BTBD7: variants seen among roughly 807,000 people sequenced by gnomAD.
BTBD7 encodes the protein BTB/POZ domain-containing protein 7.
Under a neutral mutation model 99.9 loss-of-function variants are expected in BTBD7, and 38 were observed. That is an observed-to-expected ratio of 0.38 (90% CI 0.29 to 0.50). The LOEUF is 0.50. Among genes scored for constraint, BTBD7 ranks in the 20% least tolerant of loss-of-function variants. BTBD7 has a pLI of 0.93. For synonymous variants in BTBD7, 520 were observed against 511.4 expected (o/e 1.02, Z -0.23); for missense variants, 1,170 against 1,394.6 (o/e 0.84, Z 2.57).
chr14:93,296,081 C>T lies in BTBD7; in HGVS notation c.-30G>A, dbSNP rs1227559204. 24 of 1,609,900 alleles carry T rather than the reference C, an allele frequency of 1.5e-5. No individual in the cohort carries two copies. The highest frequency in any genetic ancestry group is 1.1e-4 in the East Asian group (5 of 44,762). ...TTCAGTCACTCAGGCATTCCGTCTG[C>T]GGGTTCTTCAGAGTATAATCCCAGA... is the stretch of plus-strand genomic sequence containing the variant. On this transcript the variant is annotated 5_prime_UTR_variant, in exon 2 of 11. Coordinates refer to ENST00000334746, the MANE Select transcript of BTBD7 (RefSeq NM_001002860.4).
intron 1 of BTBD7, among the ~76,000 whole-genome samples, chr14:93,308,251 C>T (rs907060391): frequency 6.8e-6 from 1 of 146,316 alleles, no homozygotes; most frequent in East Asian, 2.0e-4. Flanking sequence ...CGCACCACTG[C>T]ACTCCAGCCT....
chr14:93,326,426 C>G (rs1320951060), intron 1 of BTBD7, among the ~76,000 whole-genome samples: 2 of 152,174 alleles, frequency 1.3e-5, no homozygotes, highest in Non-Finnish European at 2.9e-5. Flanking sequence ...GTGATTGCAC[C>G]ACTGCAGCTT....
chr14:93,243,568 C>T (rs2052265098), intron 10 of BTBD7, among the ~76,000 whole-genome samples: 2 of 152,144 alleles, frequency 1.3e-5, no homozygotes, highest in Admixed American at 1.3e-4. Context: ...ACAGAGATAC[C>T]ACTGTTAGCA....
chr14:93,257,987 G>A (rs2139696844), intron 5 of BTBD7, among the ~76,000 whole-genome samples: 1 of 152,122 alleles, frequency 6.6e-6, no homozygotes, highest in East Asian at 1.9e-4. Context: ...TTCTTCATTG[G>A]GCATTAGTGA....
At chr14:93,312,656 G>C (rs1283176495) in intron 1 of BTBD7, among the ~76,000 whole-genome samples, 1 of 152,144 alleles carries the variant, frequency 6.6e-6, no homozygotes, top group East Asian at 1.9e-4. Context: ...AGGAGACTGA[G>C]GCTCCAAGTT....
chr14:93,303,876 A>C (rs10129515), intron 1 of BTBD7, among the ~76,000 whole-genome samples: 129,148 of 152,198 alleles, frequency 0.85, 55,275 homozygotes, highest in African/African-American at 0.96. Context: ...GGACAATGGG[A>C]GTCGCTTATT....
chr14:93,316,554 T>C (rs1230474739), intron 1 of BTBD7, among the ~76,000 whole-genome samples: 1 of 152,184 alleles, frequency 6.6e-6, no homozygotes, highest in Non-Finnish European at 1.5e-5. Flanking sequence ...GGGCATAACA[T>C]GTATTTTTAA....
At position 93,246,020 on chromosome 14, in the gene BTBD7, G is replaced by A. The variant is rs1380695162; in HGVS notation, c.2388C>T (p.Pro796=). ...TGGAGTGGAACAGCGAATGATTACA[G>A]GGATAAGAAAATGAACGTGAAGGGT... ...SQHPSRSFSY[P]CNHSLFHSRT... Residue 796 remains proline (P), a synonymous_variant, in exon 10 of 11, where the codon CCC becomes CCT. Transcript: ENST00000334746. The A allele has an allele frequency of 6.2e-7, 1 of 1,613,772 alleles. No homozygotes were observed. The highest frequency in any genetic ancestry group is 1.7e-5 in the Admixed American group (1 of 59,834).
chr14:93,289,784 C>T (rs1393871465), intron 3 of BTBD7, among the ~76,000 whole-genome samples: 1 of 151,486 alleles, frequency 6.6e-6, no homozygotes, highest in Non-Finnish European at 1.5e-5. Context: ...TGATTGCCTA[C>T]TGCCTGCTCC....
At chr14:93,330,323 A>G (rs1373375160) in intron 1 of BTBD7, among the ~76,000 whole-genome samples, 1 of 152,154 alleles carries the variant, frequency 6.6e-6, no homozygotes, top group Non-Finnish European at 1.5e-5. Flanking sequence ...AGCTCATCCT[A>G]GTCTCCTTCT....
At chr14:93,321,603 GC>G (rs1430076487) in intron 1 of BTBD7, among the ~76,000 whole-genome samples, 1 of 152,030 alleles carries the variant, frequency 6.6e-6, no homozygotes, top group African/African-American at 2.4e-5. Context: ...AAACAAACAA[GC>G]AAACAATACC....
intron 1 of BTBD7, among the ~76,000 whole-genome samples, chr14:93,326,096 T>C (rs2053327791): frequency 6.6e-6 from 1 of 152,188 alleles, no homozygotes; most frequent in Non-Finnish European, 1.5e-5. Context: ...ACTTTTGAAC[T>C]TGTTCTGCAA....
At chr14:93,249,774 A>G (rs1405576983) in intron 8 of BTBD7, among the ~76,000 whole-genome samples, 2 of 148,524 alleles carry the variant, frequency 1.3e-5, no homozygotes, top group Admixed American at 6.6e-5. Context: ...CTGGTGTAAA[A>G]GACAGAATTT....
At chr14:93,270,541 G>A (rs6575313) in intron 3 of BTBD7, among the ~76,000 whole-genome samples, 59,130 of 151,562 alleles carry the variant, frequency 0.39, 12,720 homozygotes, top group African/African-American at 0.58. Flanking sequence ...AAAAATACAA[G>A]AATTAGCTGG....
chr14:93,286,608 C>T (rs369801265), intron 3 of BTBD7, among the ~76,000 whole-genome samples: 17 of 152,308 alleles, frequency 1.1e-4, no homozygotes, highest in African/African-American at 4.1e-4. Flanking sequence ...AGCCTCCCAC[C>T]CTCATCCCTG....
chr14:93,244,970 C>A (rs1335871812), intron 10 of BTBD7, among the ~76,000 whole-genome samples: 2 of 150,894 alleles, frequency 1.3e-5, no homozygotes, highest in African/African-American at 4.9e-5. Flanking sequence ...AGTGATTGTC[C>A]CACCTTAGCC....
At chr14:93,264,725 G>C (rs2052523642) in intron 3 of BTBD7, among the ~76,000 whole-genome samples, 1 of 152,150 alleles carries the variant, frequency 6.6e-6, no homozygotes. Context: ...AAGTTGAACA[G>C]AAATTTTTCA....
intron 1 of BTBD7, among the ~76,000 whole-genome samples, chr14:93,307,159 ACTTTT>A (rs1215222055): frequency 2.0e-5 from 3 of 152,100 alleles, no homozygotes; most frequent in East Asian, 3.9e-4. Flanking sequence ...GTTTTCCTGT[ACTTTT>A]CTTTTTTATT....
At chr14:93,280,017 C>A (rs554626562) in intron 3 of BTBD7, among the ~76,000 whole-genome samples, 1 of 152,166 alleles carries the variant, frequency 6.6e-6, no homozygotes, top group East Asian at 1.9e-4. Context: ...CTGTATCCAT[C>A]TACTTTTATT....
Sources: gnomAD v4.1 joint callset for allele counts (sites outside exome capture counted in the v4.1 genomes callset) on GRCh38, gnomAD v4.1.1 for gene constraint, MANE v1.5 for transcripts, NCBI Gene and HGNC (gene_info 2026-07-23, HGNC 2026-07-21) for gene names.